The following SGK1 variants were observed in gnomAD, a reference collection of about 807,000 sequenced individuals.
SGK1 encodes serum/glucocorticoid regulated kinase 1.
In SGK1, 26 loss-of-function variants were observed where a neutral mutation model predicts 64.2. That is an observed-to-expected ratio of 0.40 (90% CI 0.30 to 0.56). The LOEUF (loss-of-function observed/expected upper bound fraction) is 0.56. SGK1 is among the 20% of genes least tolerant of loss of function. SGK1 has a pLI of 0.38. For missense variants in SGK1, 519 were observed against 645.6 expected, an observed-to-expected ratio of 0.80 and a Z score of 2.12; for synonymous variants, 265 against 239.7, an observed-to-expected ratio of 1.11 and a Z score of -0.98.
intron 1 of SGK1, among the ~76,000 whole-genome samples, chr6:134,262,725 A>G (rs976971321): frequency 6.6e-6 from 1 of 151,604 alleles, no homozygotes; most frequent in Admixed American, 6.6e-5. Context: ...AACAACAACA[A>G]ACCCTCAAAA....
intron 1 of SGK1, among the ~76,000 whole-genome samples, chr6:134,295,003 G>A (rs1394076846): frequency 6.6e-6 from 1 of 152,160 alleles, no homozygotes; most frequent in Non-Finnish European, 1.5e-5. Context: ...TAAAACGATT[G>A]TGGTTTTTGG....
At chr6:134,244,349 T>C (rs59700414) in intron 2 of SGK1, among the ~76,000 whole-genome samples, 9,252 of 152,248 alleles carry the variant, frequency 0.061, 899 homozygotes, top group African/African-American at 0.21. Flanking sequence ...ATGTGCCACA[T>C]TTTCTTTATC....
At chr6:134,177,017 C>T (rs981855790) in intron 3 of SGK1, among the ~76,000 whole-genome samples, 4 of 152,210 alleles carry the variant, frequency 2.6e-5, no homozygotes, top group Non-Finnish European at 4.4e-5. Flanking sequence ...AGATCGAGAC[C>T]ATCCTGGCTA....
chr6:134,262,204 A>T, intron 1 of SGK1, 56 bp from the exon 2 acceptor site: 1 of 1,323,004 alleles, frequency 7.6e-7, no homozygotes, highest in Non-Finnish European at 1.0e-6. Context: ...TTTGATGTTT[A>T]TTGGGGATTT....
intron 3 of SGK1, among the ~76,000 whole-genome samples, chr6:134,180,857 G>C (rs1393832140): frequency 7.5e-6 from 1 of 132,932 alleles, no homozygotes; most frequent in Non-Finnish European, 1.6e-5. Flanking sequence ...GGGCAACAAA[G>C]TGAGATCCTA....
At chr6:134,209,713 G>T (rs1775853856) in intron 2 of SGK1, among the ~76,000 whole-genome samples, 1 of 152,222 alleles carries the variant, frequency 6.6e-6, no homozygotes, top group African/African-American at 2.4e-5. Flanking sequence ...GTCTCGCTTT[G>T]TTGCCCAGGC....
At chr6:134,309,703 ATCT>A (rs1777583968) in intron 1 of SGK1, among the ~76,000 whole-genome samples, 1 of 152,166 alleles carries the variant, frequency 6.6e-6, no homozygotes. Flanking sequence ...ATGGATAAAA[ATCT>A]TCATCCCCAG....
intron 1 of SGK1, among the ~76,000 whole-genome samples, chr6:134,279,569 C>T (rs1185868233): frequency 2.6e-5 from 4 of 152,048 alleles, no homozygotes; most frequent in Admixed American, 2.6e-4. Context: ...AATGAACTGA[C>T]TTGTTAAAGA....
chr6:134,173,681 C>T, intron 5 of SGK1, 115 bp from the exon 6 acceptor site: 3 of 686,116 alleles, frequency 4.4e-6, no homozygotes, highest in Non-Finnish European at 7.3e-6. Context: ...AATGACCATA[C>T]ATCTATAAAC....
intron 1 of SGK1, among the ~76,000 whole-genome samples, chr6:134,286,786 A>T (rs1268410420): frequency 6.6e-6 from 1 of 152,150 alleles, no homozygotes; most frequent in African/African-American, 2.4e-5. Flanking sequence ...AAATTTTTAA[A>T]AAAGAGTATA....
chr6:134,191,835 A>ACTTTTTTTTTT (rs1775516429), intron 3 of SGK1, among the ~76,000 whole-genome samples: 5 of 61,204 alleles, frequency 8.2e-5, no homozygotes, highest in Non-Finnish European at 1.2e-4. Flanking sequence ...CGCCCGGCTG[A>ACTTTTTTTTTT]TTTTTTTTTT....
intron 2 of SGK1, among the ~76,000 whole-genome samples, chr6:134,217,676 T>A (rs1226354453): frequency 6.6e-6 from 1 of 152,198 alleles, no homozygotes; most frequent in Non-Finnish European, 1.5e-5. Context: ...AGGAGTCTGG[T>A]CAAGAGATTA....
At chr6:134,211,323 T>C (rs1775886616) in intron 2 of SGK1, 1 of 152,158 alleles carries the variant, frequency 6.6e-6, no homozygotes, top group Non-Finnish European at 1.5e-5. Flanking sequence ...TTTTCATTTA[T>C]AGGAAACATG....
At chr6:134,206,225 A>G (rs58781824) in intron 3 of SGK1, among the ~76,000 whole-genome samples, 4,151 of 151,090 alleles carry the variant, frequency 0.027, 190 homozygotes, top group African/African-American at 0.094. Context: ...ACTTGGACTC[A>G]TGTGTTTGCC....
At chr6:134,230,045 A>G (rs1202301805) in intron 2 of SGK1, among the ~76,000 whole-genome samples, 2 of 152,192 alleles carry the variant, frequency 1.3e-5, no homozygotes, top group Non-Finnish European at 2.9e-5. Context: ...GTGGTAATTA[A>G]CAGGACTTGA....
At chr6:134,279,060 T>C (rs1777056475) in intron 1 of SGK1, among the ~76,000 whole-genome samples, 2 of 152,108 alleles carry the variant, frequency 1.3e-5, no homozygotes, top group Non-Finnish European at 2.9e-5. Context: ...CAGAAAAAAT[T>C]AACTGGATGT....
intron 3 of SGK1, among the ~76,000 whole-genome samples, chr6:134,175,334 C>T (rs1160643332): frequency 1.3e-5 from 2 of 152,162 alleles, no homozygotes; most frequent in Non-Finnish European, 2.9e-5. Context: ...GGACTCCCAC[C>T]CTCCTCCCCA....
chr6:134,175,645 C>T (rs1343367720), intron 3 of SGK1: 2 of 1,523,534 alleles, frequency 1.3e-6, no homozygotes, highest in African/African-American at 2.8e-5. Flanking sequence ...GGCCAGCGCG[C>T]CCTGCATCTC....
intron 1 of SGK1, among the ~76,000 whole-genome samples, chr6:134,294,145 G>C (rs1230269971): frequency 6.6e-6 from 1 of 152,088 alleles, no homozygotes; most frequent in Non-Finnish European, 1.5e-5. Flanking sequence ...TGATCCCTTG[G>C]TCCTTCCTAC....
Sources: gnomAD v4.1 joint callset for allele counts (sites outside exome capture counted in the v4.1 genomes callset) on GRCh38, gnomAD v4.1.1 for gene constraint, MANE v1.5 for transcripts, NCBI Gene and HGNC (gene_info 2026-07-23, HGNC 2026-07-21) for gene names.